RNLS: variants seen among roughly 807,000 people sequenced by gnomAD.
The protein encoded by RNLS is renalase.
A neutral mutation model predicts 39.8 loss-of-function variants in RNLS; 39 were observed. That is an observed-to-expected ratio of 0.98 (90% CI 0.76 to 1.28). RNLS has a LOEUF of 1.28. Ranked by LOEUF, RNLS falls within the 50% of genes most tolerant of loss-of-function variation. RNLS has a pLI of 0.00. For missense variants in RNLS, 410 were observed against 413.3 expected (o/e 0.99, Z 0.07); for synonymous variants, 147 against 150.7 (o/e 0.98, Z 0.18).
At chr10:88,354,859 C>T (rs1380572220) in intron 5 of RNLS, among the ~76,000 whole-genome samples, 2 of 152,158 alleles carry the variant, frequency 1.3e-5, no homozygotes, top group Admixed American at 6.5e-5. Context: ...ACCAATCAGA[C>T]GTAGATTTGG....
chr10:88,463,604 G>A (rs1264776657), intron 4 of RNLS, among the ~76,000 whole-genome samples: 2 of 151,962 alleles, frequency 1.3e-5, no homozygotes, highest in Non-Finnish European at 2.9e-5. Flanking sequence ...ATTTTACACA[G>A]TACTGGAATA....
intron 4 of RNLS, among the ~76,000 whole-genome samples, chr10:88,502,485 T>A (rs1845559589): frequency 6.6e-6 from 1 of 152,172 alleles, no homozygotes; most frequent in East Asian, 1.9e-4. Flanking sequence ...TGCACAGGGC[T>A]GCTCCTCTTT....
At chr10:88,563,811 A>G in intron 4 of RNLS, among the ~76,000 whole-genome samples, 1 of 152,180 alleles carries the variant, frequency 6.6e-6, no homozygotes, top group Non-Finnish European at 1.5e-5. Context: ...CTATAAATGT[A>G]CTGGAACTTT....
At chr10:88,518,166 C>A (rs1846513653) in intron 4 of RNLS, among the ~76,000 whole-genome samples, 1 of 151,692 alleles carries the variant, frequency 6.6e-6, no homozygotes, top group Non-Finnish European at 1.5e-5. Flanking sequence ...AAAATTTAAG[C>A]CCTAGATTTT....
chr10:88,314,533 A>C lies in RNLS; in HGVS notation c.809T>G (p.Leu270Arg). ...AGGCAAACCCGGCAAAATGTTTTCC[A>C]GCTGCTGGAAGACTAACTCTTGCAC... is the stretch of plus-strand genomic sequence containing the variant. ...EDVQELVFQQLENILPGLPQP... is the reference protein window; with the variant it reads ...EDVQELVFQQRENILPGLPQP... Residue 270 changes from leucine (L) to arginine (R), a missense_variant, in exon 6 of 7, where the codon CTG becomes CGG. By Grantham distance (102) the Leu-to-Arg change is moderately radical. Transcript: ENST00000331772. 1 of 1,614,050 alleles carries C rather than the reference A, an allele frequency of 6.2e-7. No individual in the cohort carries two copies. The highest frequency in any genetic ancestry group is 1.3e-5 in the African/African-American group (1 of 75,060).
chr10:88,412,135 G>T (rs1159758888), intron 4 of RNLS, among the ~76,000 whole-genome samples: 2 of 152,056 alleles, frequency 1.3e-5, no homozygotes, highest in Non-Finnish European at 2.9e-5. Flanking sequence ...ATGAAGCCAT[G>T]AGAGATTGAA....
intron 5 of RNLS, among the ~76,000 whole-genome samples, chr10:88,329,538 T>C (rs1589567476): frequency 1.3e-5 from 2 of 152,164 alleles, no homozygotes; most frequent in East Asian, 3.8e-4. Context: ...AAGACTTAAT[T>C]TTGTAATTAA....
In RNLS at chr10:88,510,970, C is replaced by T. The variant is rs990246600; in HGVS notation, c.526+61933G>A. On this transcript the variant is annotated intron_variant, in intron 4 of 6. Transcript: ENST00000331772. Reference sequence around the variant, plus strand: ...TACCTGCTTTAAAAAAATTCATCCACGTAAGAAGACAATATGAGGCCCAGG... The same window carrying T: ...TACCTGCTTTAAAAAAATTCATCCATGTAAGAAGACAATATGAGGCCCAGG... 5.5e-5 allele frequency among the ~76,000 whole-genome samples: 8 copies of T among 146,506 alleles called. No homozygotes were observed. The South Asian group carries it at 8.7e-4, about 16-fold the overall frequency.
At chr10:88,409,942 T>C (rs529879412) in intron 4 of RNLS, among the ~76,000 whole-genome samples, 1 of 152,262 alleles carries the variant, frequency 6.6e-6, no homozygotes, top group East Asian at 1.9e-4. Context: ...GCAAATACTT[T>C]AGGCATTGTG....
At chr10:88,349,112 A>G (rs1826505086) in intron 5 of RNLS, among the ~76,000 whole-genome samples, 1 of 152,178 alleles carries the variant, frequency 6.6e-6, no homozygotes, top group Non-Finnish European at 1.5e-5. Context: ...ATATTTGTAT[A>G]TATTTGTTCA....
At chr10:88,248,522 T>C in the RNLS span, among the ~76,000 whole-genome samples, 1 of 152,208 alleles carries the variant, frequency 6.6e-6, no homozygotes, top group Non-Finnish European at 1.5e-5. Context: ...AGGCTGCCCC[T>C]GGACACTCAT....
At chr10:88,274,513 T>C (rs1197128729) in exon 7 of RNLS, 1 of 157,522 alleles carries the variant, frequency 6.3e-6, no homozygotes, top group Non-Finnish European at 1.4e-5. Flanking sequence ...TATTGCAGCA[T>C]GTCAGAATTT....
At chr10:88,314,400 G>GT (rs1845600249) in intron 6 of RNLS, 66 bp downstream of exon 6, 1 of 1,508,570 alleles carries the variant, frequency 6.6e-7, no homozygotes, top group Admixed American at 1.8e-5. Flanking sequence ...GGATAAAGAA[G>GT]TAACATCAGT....
At chr10:88,181,462 T>C in the RNLS span, among the ~76,000 whole-genome samples, 1 of 152,170 alleles carries the variant, frequency 6.6e-6, no homozygotes, top group Non-Finnish European at 1.5e-5. Context: ...ACATTTGTGC[T>C]GTTTTCGGCA....
chr10:88,369,741 G>A (rs1364580942), intron 4 of RNLS, among the ~76,000 whole-genome samples: 1 of 152,104 alleles, frequency 6.6e-6, no homozygotes, highest in African/African-American at 2.4e-5. Flanking sequence ...GTGCAGAGGT[G>A]CAATCTTTGC....
the RNLS span, among the ~76,000 whole-genome samples, chr10:88,228,130 A>G: frequency 2.0e-5 from 3 of 152,140 alleles, no homozygotes; most frequent in Non-Finnish European, 4.4e-5. Context: ...TTCCTAGCAA[A>G]CATGGTTTGG....
the RNLS span, among the ~76,000 whole-genome samples, chr10:88,235,535 G>A: frequency 2.6e-5 from 4 of 151,970 alleles, no homozygotes; most frequent in African/African-American, 9.7e-5. Flanking sequence ...CATTTTTCTG[G>A]ATAATATTAT....
chr10:88,260,504 A>G, the RNLS span, among the ~76,000 whole-genome samples: 3 of 152,226 alleles, frequency 2.0e-5, no homozygotes, highest in African/African-American at 7.2e-5. Flanking sequence ...TGACCACATC[A>G]AAGAACAAAT....
intron 4 of RNLS, among the ~76,000 whole-genome samples, chr10:88,424,823 G>A (rs2133778114): frequency 6.6e-6 from 1 of 152,194 alleles, no homozygotes; most frequent in Middle Eastern, 3.4e-3. Flanking sequence ...CAGAGGAAGT[G>A]TTCAGTATAA....
Sources: allele counts gnomAD v4.1 joint callset (sites outside exome capture counted in the v4.1 genomes callset), GRCh38; gene constraint gnomAD v4.1.1; transcripts MANE v1.5; gene names NCBI Gene and HGNC (gene_info 2026-07-23, HGNC 2026-07-21).